CADM2: variants seen among roughly 807,000 people sequenced by gnomAD.
CADM2 encodes the protein immunoglobulin superfamily member 4D.
CADM2 carries 12 observed loss-of-function variants against 49.8 expected under a neutral mutation model. That is an observed-to-expected ratio of 0.24 (90% CI 0.15 to 0.39). The LOEUF (loss-of-function observed/expected upper bound fraction) is 0.39, where lower values mean the gene tolerates loss of function less well. CADM2 is among the 10% of genes least tolerant of loss of function. CADM2 has a pLI of 1.00. For missense variants in CADM2, 378 were observed against 492.3 expected (o/e 0.77, Z 2.20); for synonymous variants, 214 against 175.4 (o/e 1.22, Z -1.74).
intron 1 of CADM2, among the ~76,000 whole-genome samples, chr3:85,178,599 A>T (rs534140528): frequency 2.6e-5 from 4 of 151,990 alleles, no homozygotes; most frequent in African/African-American, 9.6e-5. Context: ...AGAAATATGC[A>T]CTGAGATATT....
chr3:86,013,219 G>A, intron 8 of CADM2: 1 of 1,413,496 alleles, frequency 7.1e-7, no homozygotes, highest in Non-Finnish European at 9.9e-7. Flanking sequence ...TTCTGAGCAG[G>A]AACAAAAACA....
chr3:85,161,595 G>C (rs1340842874), intron 1 of CADM2, among the ~76,000 whole-genome samples: 2 of 152,106 alleles, frequency 1.3e-5, no homozygotes, highest in African/African-American at 4.8e-5. Context: ...AAATGAATGA[G>C]TGCAGGAACC....
intron 1 of CADM2, among the ~76,000 whole-genome samples, chr3:85,408,790 C>T (rs946800336): frequency 1.3e-5 from 2 of 152,070 alleles, no homozygotes; most frequent in East Asian, 1.9e-4. Context: ...TGAAGAAGTA[C>T]CATTTTCACT....
chr3:85,539,386 G>A (rs1240015937), intron 1 of CADM2, among the ~76,000 whole-genome samples: 1 of 152,002 alleles, frequency 6.6e-6, no homozygotes, highest in African/African-American at 2.4e-5. Flanking sequence ...TCCAGAACAT[G>A]CGAAGCATTT....
chr3:85,962,175 T>A (rs980761800), intron 8 of CADM2, among the ~76,000 whole-genome samples: 4 of 151,934 alleles, frequency 2.6e-5, no homozygotes, highest in African/African-American at 9.7e-5. Context: ...TGCCTCGGCT[T>A]CCCAAAATGC....
Position 85,912,537 on chromosome 3 carries a change from A to G in CADM2, c.694A>G (p.Ile232Val), listed in dbSNP as rs769973812. 3 of 1,613,244 alleles carry G rather than the reference A, an allele frequency of 1.9e-6. No homozygotes were observed. Among genetic ancestry groups the G allele is most frequent in the Non-Finnish European group, 2.5e-6 (3 of 1,179,616 alleles). ...TPQVAMQVLE[I>V]HYTPSVKIIP... ...TCAGGTAGCCATGCAGGTGCTAGAA[A>G]TACACTGTAAGTAAACACTACTTCC... The change falls in exon 6 of 10, where the codon ATA (isoleucine) becomes GTA (valine). Residue 232 changes from isoleucine to valine, a missense_variant. Ile to Val is a conservative substitution (Grantham distance 29). Coordinates refer to ENST00000383699, the MANE Select transcript of CADM2 (RefSeq NM_001167675.2).
chr3:85,528,701 G>T (rs973575381), intron 1 of CADM2, among the ~76,000 whole-genome samples: 3 of 152,108 alleles, frequency 2.0e-5, no homozygotes, highest in Non-Finnish European at 4.4e-5. Context: ...TACAAATAAA[G>T]ATTCACTTGG....
chr3:86,036,518 A>ACT lies in CADM2; in HGVS notation c.971-29075_971-29074dup, dbSNP rs1003417767. 2.6e-5 allele frequency among the ~76,000 whole-genome samples: 4 copies of ACT among 151,564 alleles called. No homozygotes were observed. In the East Asian group the frequency reaches 5.8e-4, roughly 22 times the overall value. ...AATGGAAAATCATTTCTTTTCCTAG[A>ACT]CTCTCTCTCTCTCCAAGGTGTTGGA... On this transcript the variant is annotated intron_variant, in intron 8 of 9. Transcript: ENST00000383699.
chr3:85,213,404 T>G (rs1306774456), intron 1 of CADM2, among the ~76,000 whole-genome samples: 1 of 152,114 alleles, frequency 6.6e-6, no homozygotes, highest in Non-Finnish European at 1.5e-5. Flanking sequence ...TACTCTCTCC[T>G]GGCCTATAAG....
chr3:85,736,638 T>C (rs2068151113), intron 2 of CADM2, among the ~76,000 whole-genome samples: 1 of 152,190 alleles, frequency 6.6e-6, no homozygotes, highest in African/African-American at 2.4e-5. Context: ...TCTGTTGGGT[T>C]TTTTTTCAAT....
chr3:85,335,170 A>G (rs922085587), intron 1 of CADM2, among the ~76,000 whole-genome samples: 2 of 151,576 alleles, frequency 1.3e-5, no homozygotes, highest in Non-Finnish European at 3.0e-5. Context: ...ATTTTGATAC[A>G]TTCATTTTCT....
chr3:85,228,810 C>G (rs1214256659), intron 1 of CADM2, among the ~76,000 whole-genome samples: 1 of 152,130 alleles, frequency 6.6e-6, no homozygotes, highest in Non-Finnish European at 1.5e-5. Context: ...CAGGGACCCA[C>G]TTGAGGAGGC....
At chr3:85,439,954 C>T (rs2037122588) in intron 1 of CADM2, among the ~76,000 whole-genome samples, 1 of 152,098 alleles carries the variant, frequency 6.6e-6, no homozygotes, top group Non-Finnish European at 1.5e-5. Flanking sequence ...GTAGTTATTT[C>T]ATTTTAATAC....
At chr3:85,542,804 G>C (rs1280963870) in intron 1 of CADM2, among the ~76,000 whole-genome samples, 3 of 152,166 alleles carry the variant, frequency 2.0e-5, no homozygotes, top group Non-Finnish European at 4.4e-5. Context: ...ACATAAGAAA[G>C]TTTAGCATCA....
At chr3:85,356,148 G>A (rs1203818981) in intron 1 of CADM2, among the ~76,000 whole-genome samples, 101 of 152,016 alleles carry the variant, frequency 6.6e-4, no homozygotes, top group Non-Finnish European at 2.9e-4. Context: ...GGGTGAGGTA[G>A]CTATACTATC....
At chr3:85,728,705 G>C (rs993999260) in intron 2 of CADM2, among the ~76,000 whole-genome samples, 47 of 152,084 alleles carry the variant, frequency 3.1e-4, no homozygotes, top group Admixed American at 2.6e-3. Context: ...ATGGAATCAC[G>C]CAAATGTGGA....
At chr3:85,776,345 A>ACACACG (rs1280959142) in intron 2 of CADM2, among the ~76,000 whole-genome samples, 1 of 151,560 alleles carries the variant, frequency 6.6e-6, no homozygotes, top group Non-Finnish European at 1.5e-5. Flanking sequence ...TTACACACAC[A>ACACACG]CACACACACA....
At chr3:85,921,323 C>G (rs965377391) in intron 6 of CADM2, among the ~76,000 whole-genome samples, 2 of 152,052 alleles carry the variant, frequency 1.3e-5, no homozygotes, top group East Asian at 3.9e-4. Context: ...CACACATACA[C>G]ACACACACAG....
At chr3:85,297,779 A>G (rs940514458) in intron 1 of CADM2, among the ~76,000 whole-genome samples, 2 of 151,978 alleles carry the variant, frequency 1.3e-5, no homozygotes, top group African/African-American at 4.8e-5. Flanking sequence ...TCCACCACAA[A>G]AACTTATTTA....
Sources: allele counts gnomAD v4.1 joint callset (sites outside exome capture counted in the v4.1 genomes callset), GRCh38; gene constraint gnomAD v4.1.1; transcripts MANE v1.5; gene names NCBI Gene and HGNC (gene_info 2026-07-23, HGNC 2026-07-21).